Variants in SPRED1 observed in about 807,000 individuals in gnomAD.
SPRED1 encodes sprouty related EVH1 domain containing 1.
Under a neutral mutation model 52.3 loss-of-function variants are expected in SPRED1, and 18 were observed. That is an observed-to-expected ratio of 0.34 (90% CI 0.24 to 0.51). The LOEUF (loss-of-function observed/expected upper bound fraction) is 0.51. Among genes scored for constraint, SPRED1 ranks in the 20% least tolerant of loss-of-function variants. SPRED1 has a pLI of 0.97. For missense variants in SPRED1, 485 were observed against 551.0 expected (o/e 0.88, Z 1.20); for synonymous variants, 155 against 179.7 (o/e 0.86, Z 1.10).
At chr15:38,277,953 G>A (rs1894595426) in intron 1 of SPRED1, among the ~76,000 whole-genome samples, 1 of 151,534 alleles carries the variant, frequency 6.6e-6, no homozygotes, top group Non-Finnish European at 1.5e-5. Flanking sequence ...ACTTTTTAAT[G>A]GGGATATTTG....
intron 2 of SPRED1, among the ~76,000 whole-genome samples, chr15:38,309,931 C>T (rs553132261): frequency 6.6e-6 from 1 of 152,074 alleles, no homozygotes; most frequent in Non-Finnish European, 1.5e-5. Context: ...TTCCATTTCT[C>T]TATTTGTCCA....
chr15:38,316,756 T>TTTTTTTG (rs1895492484), intron 2 of SPRED1, among the ~76,000 whole-genome samples: 3 of 146,034 alleles, frequency 2.1e-5, no homozygotes, highest in Non-Finnish European at 4.5e-5. Flanking sequence ...ATGTTTTTTT[T>TTTTTTTG]TTTTTTTTTT....
chr15:38,316,323 A>G (rs1220059107), intron 2 of SPRED1, among the ~76,000 whole-genome samples: 1 of 152,040 alleles, frequency 6.6e-6, no homozygotes, highest in Non-Finnish European at 1.5e-5. Flanking sequence ...TTCGTAAATA[A>G]CATCTGTTTA....
At chr15:38,276,213 T>G (rs1258713073) in intron 1 of SPRED1, among the ~76,000 whole-genome samples, 1 of 150,274 alleles carries the variant, frequency 6.7e-6, no homozygotes, top group East Asian at 1.9e-4. Context: ...TGTGAATGTT[T>G]TTTTTTTTTT....
intron 1 of SPRED1, among the ~76,000 whole-genome samples, chr15:38,261,297 A>G (rs1468225880): frequency 2.0e-5 from 3 of 152,240 alleles, no homozygotes; most frequent in African/African-American, 7.2e-5. Context: ...TTTTAGTCCA[A>G]GAGTTCTAGA....
chr15:38,265,468 A>G (rs987307739), intron 1 of SPRED1, among the ~76,000 whole-genome samples: 4 of 152,168 alleles, frequency 2.6e-5, no homozygotes, highest in African/African-American at 4.8e-5. Context: ...AAATGTTAGA[A>G]AGCAACTTTT....
chr15:38,308,129 A>C (rs962682156), intron 2 of SPRED1, among the ~76,000 whole-genome samples: 16 of 152,288 alleles, frequency 1.1e-4, no homozygotes, highest in Non-Finnish European at 1.5e-4. Context: ...ACCTCCCCAG[A>C]CTAGAATTTG....
chr15:38,344,750 G>T (rs1205261090), intron 5 of SPRED1, among the ~76,000 whole-genome samples: 1 of 152,064 alleles, frequency 6.6e-6, no homozygotes, highest in East Asian at 1.9e-4. Flanking sequence ...TGTATATAAA[G>T]CACTTAGGAA....
intron 2 of SPRED1, among the ~76,000 whole-genome samples, chr15:38,319,999 A>G (rs1205056417): frequency 2.6e-5 from 4 of 152,170 alleles, no homozygotes; most frequent in Non-Finnish European, 5.9e-5. Context: ...ATTATATAGT[A>G]TTTCCACCGT....
rs1888513573 is a variant in SPRED1 at position 38,352,539 on chromosome 15, G to A, written c.*875G>A. Reference sequence around the variant, plus strand: ...AGAGACTGAGTAAACAAACATTATAGAAAAAAAGTGAAGTTTTTTAGTTGT... The same window carrying A: ...AGAGACTGAGTAAACAAACATTATAAAAAAAAAGTGAAGTTTTTTAGTTGT... On this transcript the variant is annotated 3_prime_UTR_variant, in exon 7 of 7. Transcript: ENST00000299084. 1 of 152,264 alleles carries A rather than the reference G, an allele frequency of 6.6e-6. No individual in the cohort carries two copies. Among genetic ancestry groups the A allele is most frequent in the South Asian group, 2.1e-4 (1 of 4,824 alleles). The allele number at this position is 152,264 out of a possible 1,614,324, so 9.4% of individuals were successfully genotyped here.
At chr15:38,279,667 A>G (rs898634358) in intron 1 of SPRED1, among the ~76,000 whole-genome samples, 6 of 152,346 alleles carry the variant, frequency 3.9e-5, no homozygotes, top group East Asian at 1.9e-4. Context: ...GAGGATAATC[A>G]TCAGGATTAA....
In SPRED1 at chr15:38,332,858, T is replaced by C. The variant is rs149933386; in HGVS notation, c.424-6879T>C. 2.7e-3 allele frequency among the ~76,000 whole-genome samples: 417 copies of C among 152,248 alleles called. 2 individuals are homozygous for C. The highest frequency in any genetic ancestry group is 0.017 in the East Asian group (88 of 5,176). ...ATAAACAAAAGTAATTTGTCACCATTCTTGAGTCTCAGAAGTCCACTCAAG... is the reference window on the plus strand; with the variant it reads ...ATAAACAAAAGTAATTTGTCACCATCCTTGAGTCTCAGAAGTCCACTCAAG... On this transcript the variant is annotated intron_variant, in intron 4 of 6. Coordinates refer to ENST00000299084, the MANE Select transcript of SPRED1 (RefSeq NM_152594.3).
At chr15:38,318,689 G>T (rs1047389268) in intron 2 of SPRED1, among the ~76,000 whole-genome samples, 1 of 152,124 alleles carries the variant, frequency 6.6e-6, no homozygotes, top group African/African-American at 2.4e-5. Flanking sequence ...TGTGGTGTTT[G>T]GCTTTCGGTT....
At chr15:38,331,389 A>G (rs1895803771) in intron 4 of SPRED1, among the ~76,000 whole-genome samples, 1 of 151,924 alleles carries the variant, frequency 6.6e-6, no homozygotes, top group African/African-American at 2.4e-5. Flanking sequence ...ACCTAATTTT[A>G]TGTTATGTTC....
intron 1 of SPRED1, among the ~76,000 whole-genome samples, chr15:38,298,240 CTGTCATACA>C (rs1173004767): frequency 3.3e-5 from 5 of 152,248 alleles, no homozygotes; most frequent in Admixed American, 6.5e-5. Flanking sequence ...GCATCTGAAA[CTGTCATACA>C]TTATTGATGG....
Position 38,356,010 on chromosome 15 carries a change from G to A in SPRED1, c.*4346G>A, listed in dbSNP as rs1167559674. On this transcript the variant is annotated 3_prime_UTR_variant, in exon 7 of 7. Transcript: ENST00000299084. ...AAAGATTCATATGCTTTGGTACACTGATAAATGTTAGCCATTATTCCTGAA... is the reference window on the plus strand; with the variant it reads ...AAAGATTCATATGCTTTGGTACACTAATAAATGTTAGCCATTATTCCTGAA... 1.3e-5 allele frequency: 2 copies of A among 152,166 alleles called. No homozygotes were observed. The highest frequency in any genetic ancestry group is 4.8e-5 in the African/African-American group (2 of 41,450). The allele number at this position is 152,166 out of a possible 1,614,324, so 9.4% of individuals were successfully genotyped here. A position where few individuals can be genotyped will look rare whatever the true frequency, so the allele number is the denominator to read the frequency against.
chr15:38,308,436 A>G (rs1296465788), intron 2 of SPRED1, among the ~76,000 whole-genome samples: 1 of 152,218 alleles, frequency 6.6e-6, no homozygotes, highest in Non-Finnish European at 1.5e-5. Context: ...TACCACAGAC[A>G]AGATGCAAAA....
At chr15:38,313,325 G>A (rs536189400) in intron 2 of SPRED1, among the ~76,000 whole-genome samples, 6 of 152,026 alleles carry the variant, frequency 3.9e-5, no homozygotes, top group African/African-American at 1.2e-4. Context: ...ATGGAGCAGT[G>A]CCTCAGTCTT....
intron 1 of SPRED1, among the ~76,000 whole-genome samples, chr15:38,285,399 G>C (rs555658740): frequency 1.3e-5 from 2 of 152,200 alleles, no homozygotes; most frequent in East Asian, 3.8e-4. Context: ...GAGTGGAGAT[G>C]ATGGCAGTAG....
Sources: gnomAD v4.1 joint callset for allele counts (sites outside exome capture counted in the v4.1 genomes callset) on GRCh38, gnomAD v4.1.1 for gene constraint, MANE v1.5 for transcripts, NCBI Gene and HGNC (gene_info 2026-07-23, HGNC 2026-07-21) for gene names.